Variants in HNRNPLL observed in about 807,000 individuals in gnomAD.
HNRNPLL encodes heterogeneous nuclear ribonucleoprotein L like.
In HNRNPLL, 25 loss-of-function variants were observed where a neutral mutation model predicts 67.1. The observed-to-expected ratio is 0.37, with a 90% CI of 0.27 to 0.52. The LOEUF is 0.52. Among genes scored for constraint, HNRNPLL ranks in the 20% least tolerant of loss-of-function variants. The pLI, the probability that HNRNPLL is intolerant of heterozygous loss-of-function variation, is 0.90. For missense variants in HNRNPLL, 542 were observed against 673.9 expected (o/e 0.80, Z 2.17); for synonymous variants, 267 against 241.7 (o/e 1.10, Z -0.97).
chr2:38,571,851 T>C (rs1666096733), intron 8 of HNRNPLL, among the ~76,000 whole-genome samples: 2 of 152,130 alleles, frequency 1.3e-5, no homozygotes, highest in African/African-American at 4.8e-5. Flanking sequence ...ATTAGTCAAA[T>C]AACATACAAA....
rs2148346944 is a variant in HNRNPLL at position 38,574,387 on chromosome 2, C to CCTA, written c.875-963_875-961dup. Among the ~76,000 whole-genome samples, 2 of 151,840 alleles carry CCTA rather than the reference C, an allele frequency of 1.3e-5. 1 individual carries two copies. Among genetic ancestry groups the CCTA allele is most frequent in the African/African-American group, 4.8e-5 (2 of 41,492 alleles). ...AGAAACCCTACACATCTTAGATGCT[C>CCTA]CTAATAATAACAGAAGCAACATCTA... On this transcript the variant is annotated intron_variant, in intron 7 of 12. Coordinates refer to ENST00000449105, the MANE Select transcript of HNRNPLL (RefSeq NM_138394.4).
At position 38,588,175 on chromosome 2, in the gene HNRNPLL, C is replaced by A. The variant is rs558781129; in HGVS notation, c.309-2294G>T. 4.2e-4 allele frequency among the ~76,000 whole-genome samples: 64 copies of A among 152,212 alleles called. 1 individual carries two copies. Among genetic ancestry groups the A allele is most frequent in the African/African-American group, 1.5e-3 (64 of 41,526 alleles). Reference sequence around the variant, plus strand: ...TCTTTATAGCAATATAGCAATGTAACAACAAACTAATACAGGTACAGAAGT... The same window carrying A: ...TCTTTATAGCAATATAGCAATGTAAAAACAAACTAATACAGGTACAGAAGT... On this transcript the variant is annotated intron_variant, in intron 2 of 12. Coordinates refer to ENST00000449105, the MANE Select transcript of HNRNPLL (RefSeq NM_138394.4).
chr2:38,584,873 CTAGAT>C (rs1339780792), intron 3 of HNRNPLL, among the ~76,000 whole-genome samples: 1 of 151,934 alleles, frequency 6.6e-6, no homozygotes, highest in African/African-American at 2.4e-5. Flanking sequence ...AGTACCTACA[CTAGAT>C]TAGTTACATG....
intron 2 of HNRNPLL, among the ~76,000 whole-genome samples, chr2:38,586,579 C>T (rs1404790490): frequency 6.6e-6 from 1 of 152,182 alleles, no homozygotes; most frequent in Non-Finnish European, 1.5e-5. Context: ...AACTACCTCT[C>T]TCGAATTTTC....
rs1667515306 is a variant in HNRNPLL at position 38,602,916 on chromosome 2, C to T, written c.-290G>A. On this transcript the variant is annotated 5_prime_UTR_variant, in exon 1 of 13. Coordinates refer to ENST00000449105, the MANE Select transcript of HNRNPLL (RefSeq NM_138394.4). ...CGTCTCCGCTCCCTGCCCGGAGGAG[C>T]GAATCTAAGGATGGGGACGCAACCG... The T allele has an allele frequency of 1.3e-6, 2 of 1,520,610 alleles. No individual in the cohort carries two copies. Among genetic ancestry groups the T allele is most frequent in the African/African-American group, 1.4e-5 (1 of 72,044 alleles). 94.2% of individuals were successfully genotyped at this position (1,520,610 alleles called of 1,614,324 possible).
At position 38,574,140 on chromosome 2, in the gene HNRNPLL, A is replaced by C. The variant is rs75062865; in HGVS notation, c.875-713T>G. ...GTCTCTTACATTGAGAATCCTCATT[A>C]AGAATCAACTTGCTAACTTTAGAGT... On this transcript the variant is annotated intron_variant, in intron 7 of 12. Coordinates refer to ENST00000449105, the MANE Select transcript of HNRNPLL (RefSeq NM_138394.4). Among the ~76,000 whole-genome samples the C allele has an allele frequency of 7.7e-3, 1,174 of 152,060 alleles. 18 individuals are homozygous for C. The highest frequency in any genetic ancestry group is 0.027 in the African/African-American group (1,114 of 41,544).
Position 38,592,180 on chromosome 2 carries a change from A to G in HNRNPLL, c.190-532T>C, listed in dbSNP as rs189278497. On this transcript the variant is annotated intron_variant, in intron 1 of 12. Transcript: ENST00000449105. Reference sequence around the variant, plus strand: ...TTCTATCTCAGTAAGAAGTACAAAGATGTTATTTAATAATATTTCAACTTC... The same window carrying G: ...TTCTATCTCAGTAAGAAGTACAAAGGTGTTATTTAATAATATTTCAACTTC... Among the ~76,000 whole-genome samples the G allele has an allele frequency of 5.0e-3, 760 of 152,326 alleles. 8 individuals carry two copies. Among genetic ancestry groups the G allele is most frequent in the African/African-American group, 0.018 (731 of 41,570 alleles).
chr2:38,577,714 T>C (rs1666354262), intron 6 of HNRNPLL, among the ~76,000 whole-genome samples, 182 bp from the exon 7 acceptor site: 1 of 152,068 alleles, frequency 6.6e-6, no homozygotes, highest in African/African-American at 2.4e-5. Context: ...GTGTAAAAAA[T>C]TAATTCCATC....
At chr2:38,573,627 A>T (rs1666181040) in intron 7 of HNRNPLL, among the ~76,000 whole-genome samples, 200 bp from the exon 8 acceptor site, 1 of 152,052 alleles carries the variant, frequency 6.6e-6, no homozygotes, top group East Asian at 1.9e-4. Flanking sequence ...TTTGCACCAG[A>T]TACAATATAT....
At chr2:38,601,091 G>T (rs979830181) in intron 1 of HNRNPLL, among the ~76,000 whole-genome samples, 7 of 152,086 alleles carry the variant, frequency 4.6e-5, no homozygotes, top group African/African-American at 1.7e-4. Context: ...AGTTGGCTTT[G>T]AACTGAAACT....
chr2:38,566,133 C>G, intron 12 of HNRNPLL: 2 of 968,206 alleles, frequency 2.1e-6, no homozygotes, highest in Non-Finnish European at 2.5e-6. Context: ...CTTCGGAAGG[C>G]GGAGGTGGGC....
At chr2:38,589,765 A>G (rs1166793107) in intron 2 of HNRNPLL, among the ~76,000 whole-genome samples, 1 of 152,162 alleles carries the variant, frequency 6.6e-6, no homozygotes, top group African/African-American at 2.4e-5. Flanking sequence ...ATTAACATCA[A>G]AATAGTCACT....
chr2:38,571,280 C>T (rs547143012), intron 8 of HNRNPLL, among the ~76,000 whole-genome samples: 3 of 152,180 alleles, frequency 2.0e-5, no homozygotes, highest in East Asian at 1.9e-4. Flanking sequence ...ATAAAAATTA[C>T]GTGAACATGC....
At chr2:38,574,300 TAAG>T (rs1666213182) in intron 7 of HNRNPLL, among the ~76,000 whole-genome samples, 2 of 151,606 alleles carry the variant, frequency 1.3e-5, no homozygotes, top group African/African-American at 4.8e-5. Flanking sequence ...TTTACAGCAA[TAAG>T]AAGAAAGGCA....
In HNRNPLL at chr2:38,567,224, T is replaced by C. The variant is rs140539026; in HGVS notation, c.1573+975A>G. 7.1e-3 allele frequency among the ~76,000 whole-genome samples: 1,079 copies of C among 152,294 alleles called. 18 individuals are homozygous for C. Among genetic ancestry groups the C allele is most frequent in the African/African-American group, 0.025 (1,030 of 41,580 alleles). ...TTCAAGCAATTCTCCTGCCTCAGCC[T>C]CCCAAGTAGCTGAAACTACAAGTGT... On this transcript the variant is annotated intron_variant, in intron 12 of 12. Transcript: ENST00000449105.
chr2:38,585,346 T>G (rs552911103), intron 3 of HNRNPLL, among the ~76,000 whole-genome samples: 4 of 152,196 alleles, frequency 2.6e-5, no homozygotes, highest in Non-Finnish European at 2.9e-5. Flanking sequence ...GTGACAGAGA[T>G]TTTTTGAACG....
intron 8 of HNRNPLL, among the ~76,000 whole-genome samples, 164 bp downstream of exon 8, chr2:38,573,046 A>G (rs1666154483): frequency 6.6e-6 from 1 of 151,980 alleles, no homozygotes; most frequent in African/African-American, 2.4e-5. Context: ...TTATCAACAA[A>G]AAACATTTTC....
intron 3 of HNRNPLL, 89 bp from the exon 4 acceptor site, chr2:38,584,015 C>G (rs1371429057): frequency 7.5e-6 from 4 of 535,382 alleles, no homozygotes; most frequent in African/African-American, 5.9e-5. Context: ...TAAAAACTAT[C>G]AACTGTCAAG....
chr2:38,568,425 C>T lies in HNRNPLL; in HGVS notation c.1435G>A (p.Val479Ile). 1 of 1,604,994 alleles carries T rather than the reference C, an allele frequency of 6.2e-7. No homozygotes were observed. The highest frequency in any genetic ancestry group is 8.5e-7 in the Non-Finnish European group (1 of 1,173,278). ...TFTKLCNDHE[V>I]LTFIKYKVFD... ...ACTTTATATTTGATGAATGTAAGAA[C>T]TTCATGGTCATTACACAACTGTCAA... The change falls in exon 11 of 13, where the codon GTT (valine) becomes ATT (isoleucine). Residue 479 changes from valine to isoleucine, a missense_variant. Val to Ile is a conservative substitution (Grantham distance 29). Coordinates refer to ENST00000449105, the MANE Select transcript of HNRNPLL (RefSeq NM_138394.4).
Sources: allele counts gnomAD v4.1 joint callset (sites outside exome capture counted in the v4.1 genomes callset), GRCh38; gene constraint gnomAD v4.1.1; transcripts MANE v1.5; gene names NCBI Gene and HGNC (gene_info 2026-07-23, HGNC 2026-07-21).